FANCI: variants seen among roughly 807,000 people sequenced by gnomAD.
The protein encoded by FANCI is FA complementation group I.
A neutral mutation model predicts 176.1 loss-of-function variants in FANCI; 156 were observed. That is an observed-to-expected ratio of 0.89 (90% CI 0.78 to 1.01). The LOEUF is 1.01. Among genes scored for constraint, FANCI ranks in the 50% least tolerant of loss-of-function variants. The probability of loss-of-function intolerance (pLI) is 0.00; values close to 1 mark genes in which losing one functional copy is unlikely to be tolerated. For missense variants in FANCI, 1,678 were observed against 1,534.1 expected (o/e 1.09, Z -1.57); for synonymous variants, 613 against 541.7 (o/e 1.13, Z -1.83).
rs141782458 is a variant in FANCI, at chr15:89,276,811, G to A, written c.1213G>A (p.Glu405Lys). ...PKKVLDGKTI[E>K]TSPSLSRMPN... is the part of the protein sequence containing the mutation. Reference sequence around the variant, plus strand: ...GAAGGTTCTTGATGGAAAAACTATTGAAACCAGCCCAAGTCTTTCTAGAAT... The same window carrying A: ...GAAGGTTCTTGATGGAAAAACTATTAAAACCAGCCCAAGTCTTTCTAGAAT... The change falls in exon 13 of 38, where the codon GAA (glutamate) becomes AAA (lysine). Residue 405 changes from glutamate (E) to lysine (K), a missense_variant. Around this residue, in one of 3 missense-constraint regions of FANCI, gnomAD observed 1,204 missense variants for 1,077.4 expected, o/e 1.12. Transcript: ENST00000310775. 8 of 1,614,028 alleles carry A rather than the reference G, an allele frequency of 5.0e-6. No homozygotes were observed. Among genetic ancestry groups the A allele is most frequent in the Non-Finnish European group, 5.9e-6 (7 of 1,180,028 alleles).
intron 18 of FANCI, 87 bp from the exon 19 acceptor site, chr15:89,290,126 A>G: frequency 9.3e-7 from 1 of 1,076,872 alleles, no homozygotes; most frequent in South Asian, 1.3e-5. Flanking sequence ...AGAAGAGGAT[A>G]AAGAAAGTGT....
intron 15 of FANCI, among the ~76,000 whole-genome samples, chr15:89,281,554 A>G (rs1449251995): frequency 6.6e-6 from 1 of 152,074 alleles, no homozygotes; most frequent in Non-Finnish European, 1.5e-5. Context: ...AACATTATTG[A>G]CTACAATAGA....
At chr15:89,267,375 G>A (rs947580557) in intron 9 of FANCI, among the ~76,000 whole-genome samples, 1 of 149,976 alleles carries the variant, frequency 6.7e-6, no homozygotes, top group African/African-American at 2.5e-5. Flanking sequence ...ATGATGCCCT[G>A]GAAGCTAAGA....
chr15:89,296,543 G>A (rs2054282491), intron 24 of FANCI, among the ~76,000 whole-genome samples: 1 of 152,172 alleles, frequency 6.6e-6, no homozygotes. Context: ...TCCCAAGGCA[G>A]AAGAATTTTT....
In FANCI at chr15:89,278,732, A is replaced by G. The variant is rs1250150729; in HGVS notation, c.1339A>G (p.Arg447Gly). ...RQEILEQVLN[R>G]VVTRASSPIS... is the part of the protein sequence containing the mutation. ...AGAAATTTTGGAGCAGGTCCTCAAC[A>G]GGGTTGTTACCAGAGCATCTTCTCC... Residue 447 changes from arginine (R) to glycine (G), a missense_variant, in exon 14 of 38, where the codon AGG becomes GGG. Transcript: ENST00000310775. 2.5e-6 allele frequency: 4 copies of G among 1,614,042 alleles called. No individual in the cohort carries two copies. The highest frequency in any genetic ancestry group is 2.5e-6 in the Non-Finnish European group (3 of 1,179,926).
At chr15:89,308,033 G>A in intron 34 of FANCI, 2 of 1,185,046 alleles carry the variant, frequency 1.7e-6, no homozygotes, top group Admixed American at 3.9e-5. Flanking sequence ...ATGAAGAAGG[G>A]TTGTGATGAG....
chr15:89,296,779 C>T (rs1358946243), intron 24 of FANCI, among the ~76,000 whole-genome samples: 8 of 151,772 alleles, frequency 5.3e-5, no homozygotes, highest in African/African-American at 1.9e-4. Context: ...CCCTCACCTC[C>T]CAGACGGGGC....
At chr15:89,289,771 C>G (rs1176092672) in intron 18 of FANCI, among the ~76,000 whole-genome samples, 1 of 150,978 alleles carries the variant, frequency 6.6e-6, no homozygotes, top group Non-Finnish European at 1.5e-5. Flanking sequence ...CTGGAGTGCA[C>G]TGGTGTGATC....
chr15:89,284,408 T>G (rs1394647640), intron 17 of FANCI, among the ~76,000 whole-genome samples: 2 of 152,212 alleles, frequency 1.3e-5, no homozygotes, highest in East Asian at 3.9e-4. Flanking sequence ...AAGCTTTGTC[T>G]ATAACATATA....
chr15:89,301,573 T>C, intron 27 of FANCI, 131 bp downstream of exon 27: 1 of 769,254 alleles, frequency 1.3e-6, no homozygotes, highest in South Asian at 1.4e-5. Context: ...ATTATACACC[T>C]GAGTTAATAT....
At chr15:89,277,611 CAAA>C (rs554395033) in intron 13 of FANCI, among the ~76,000 whole-genome samples, 5 of 48,940 alleles carry the variant, frequency 1.0e-4, no homozygotes, top group South Asian at 8.1e-4. Flanking sequence ...GATCCTATCT[CAAA>C]AAAAAAAAAA....
rs540776806 is a variant in FANCI, at chr15:89,313,628, G to C, written c.3720+656G>C. 1.2e-4 allele frequency among the ~76,000 whole-genome samples: 19 copies of C among 152,254 alleles called. 1 individual carries two copies. In the East Asian group the frequency reaches 3.3e-3, roughly 26 times the overall value. Reference sequence around the variant, plus strand: ...TGAAAATTAGTACAGCCTCTCCAGAGGCTTAGCAATGACTACTGAATCCCA... The same window carrying C: ...TGAAAATTAGTACAGCCTCTCCAGACGCTTAGCAATGACTACTGAATCCCA... On this transcript the variant is annotated intron_variant, in intron 35 of 37. Coordinates refer to ENST00000310775, the MANE Select transcript of FANCI (RefSeq NM_001113378.2).
intron 19 of FANCI, chr15:89,290,617 T>A: frequency 3.8e-6 from 1 of 260,408 alleles, no homozygotes; most frequent in Non-Finnish European, 7.5e-6. Context: ...AAAACAAATA[T>A]AGCAAAATAT....
intron 6 of FANCI, among the ~76,000 whole-genome samples, chr15:89,262,101 A>G (rs1246457059): frequency 6.6e-6 from 1 of 152,170 alleles, no homozygotes; most frequent in Non-Finnish European, 1.5e-5. Context: ...GCTTGACTGT[A>G]TCTTCTTACA....
intron 17 of FANCI, 34 bp downstream of exon 17, chr15:89,283,284 C>T (rs2053685857): frequency 3.1e-6 from 5 of 1,612,684 alleles, no homozygotes; most frequent in Non-Finnish European, 3.4e-6. Context: ...GCAGTGTGTG[C>T]GTATCATTCA....
At chr15:89,277,319 A>C (rs938993222) in intron 13 of FANCI, among the ~76,000 whole-genome samples, 1 of 77,280 alleles carries the variant, frequency 1.3e-5, no homozygotes, top group Non-Finnish European at 3.9e-5. Flanking sequence ...ATAAAACAAA[A>C]AAAGAATCAT....
At chr15:89,313,436 C>T (rs975013242) in intron 35 of FANCI, among the ~76,000 whole-genome samples, 1 of 152,098 alleles carries the variant, frequency 6.6e-6, no homozygotes, top group Non-Finnish European at 1.5e-5. Context: ...TCACGAAGCA[C>T]CAGAAAATCT....
At chr15:89,312,816 T>TAAAA (rs11321073) in intron 34 of FANCI, 88 bp from the exon 35 acceptor site, 106 of 864,112 alleles carry the variant, frequency 1.2e-4, no homozygotes, top group Middle Eastern at 1.0e-3. Context: ...AGCTCTGTCT[T>TAAAA]AAAAAAAAAA....
intron 14 of FANCI, among the ~76,000 whole-genome samples, chr15:89,279,789 G>A (rs2053546132): frequency 6.6e-6 from 1 of 151,980 alleles, no homozygotes; most frequent in African/African-American, 2.4e-5. Flanking sequence ...CCCTCATACT[G>A]TCATTGTTTC....
Sources: allele counts gnomAD v4.1 joint callset (sites outside exome capture counted in the v4.1 genomes callset), GRCh38; gene constraint gnomAD v4.1.1; regional missense constraint gnomAD v4.1.1; transcripts MANE v1.5; gene names NCBI Gene and HGNC (gene_info 2026-07-23, HGNC 2026-07-21).